The following RPS6KA2 variants were observed in gnomAD, a reference collection of about 807,000 sequenced individuals.
RPS6KA2 encodes the protein ribosomal protein S6 kinase A2, also known as ribosomal protein S6 kinase alpha-2.
In RPS6KA2, 42 loss-of-function variants were observed where a neutral mutation model predicts 91.8. The observed-to-expected ratio is 0.46, with a 90% CI of 0.36 to 0.59. RPS6KA2 has a LOEUF of 0.59. Ranked by LOEUF, RPS6KA2 falls within the 20% of genes least tolerant of loss-of-function variation. The pLI, the probability that RPS6KA2 is intolerant of heterozygous loss-of-function variation, is 0.00. For synonymous variants in RPS6KA2, 414 were observed against 393.6 expected, an observed-to-expected ratio of 1.05 and a Z score of -0.61; for missense variants, 798 against 978.5, an observed-to-expected ratio of 0.82 and a Z score of 2.46.
intron 2 of RPS6KA2, among the ~76,000 whole-genome samples, chr6:166,683,235 G>A (rs1788892185): frequency 6.6e-6 from 1 of 152,234 alleles, no homozygotes; most frequent in Non-Finnish European, 1.5e-5. Flanking sequence ...CTGTGTTGGA[G>A]AGTATTGCAT....
At chr6:166,469,956 C>CT (rs765592057) in intron 10 of RPS6KA2, 51 bp from the exon 11 acceptor site, 18 of 1,509,382 alleles carry the variant, frequency 1.2e-5, no homozygotes, top group Non-Finnish European at 1.7e-5. Context: ...ATGGGGTTCT[C>CT]TGACAGTTTC....
At chr6:166,530,729 C>CT (rs1477686318) in intron 3 of RPS6KA2, among the ~76,000 whole-genome samples, 1 of 152,234 alleles carries the variant, frequency 6.6e-6, no homozygotes, top group Non-Finnish European at 1.5e-5. Flanking sequence ...CATTCTGACT[C>CT]TAACGCTGCA....
intron 2 of RPS6KA2, among the ~76,000 whole-genome samples, chr6:166,792,906 T>C (rs1562442730): frequency 6.6e-6 from 1 of 151,664 alleles, no homozygotes; most frequent in Non-Finnish European, 1.5e-5. Context: ...TCATACTGAA[T>C]GGGCAAAAAC....
chr6:166,748,404 C>T (rs953033194), intron 2 of RPS6KA2, among the ~76,000 whole-genome samples: 1 of 152,116 alleles, frequency 6.6e-6, no homozygotes, highest in Admixed American at 6.5e-5. Context: ...AGTGCCTCAG[C>T]GAAATGACTC....
At chr6:166,762,854 A>G (rs1407454951) in intron 2 of RPS6KA2, among the ~76,000 whole-genome samples, 1 of 152,362 alleles carries the variant, frequency 6.6e-6, no homozygotes, top group Non-Finnish European at 1.5e-5. Flanking sequence ...TGCAGAGCAC[A>G]GGTGGAAACA....
chr6:166,647,973 CACATGCTCACACACACGCACAT>C (rs1787693559), intron 2 of RPS6KA2, among the ~76,000 whole-genome samples: 1 of 72,984 alleles, frequency 1.4e-5, no homozygotes, highest in African/African-American at 5.9e-5. Context: ...CATACATACA[CACATGCTCACACACACGCACAT>C]GCTCACACAC....
chr6:166,554,391 C>A lies in RPS6KA2; in HGVS notation c.100-15607G>T, dbSNP rs1359005147. Among the ~76,000 whole-genome samples, 1 of 152,262 alleles carries A rather than the reference C, an allele frequency of 6.6e-6. No homozygotes were observed. The highest frequency in any genetic ancestry group is 1.5e-5 in the Non-Finnish European group (1 of 68,048). ...TGAATGTGATATAAAGCTTAACCTG[C>A]CTCCTTTTGTTGTAAACATTGGATG... On this transcript the variant is annotated intron_variant, in intron 1 of 20. Transcript: ENST00000265678. The surrounding 1 kb of genome is among the most constrained non-coding windows in gnomAD (Gnocchi z 4.3).
At chr6:166,820,059 T>C (rs1779866327) in intron 2 of RPS6KA2, among the ~76,000 whole-genome samples, 1 of 152,164 alleles carries the variant, frequency 6.6e-6, no homozygotes, top group African/African-American at 2.4e-5. Context: ...GCTGGAGCAG[T>C]TTTCAGTGCA....
At chr6:166,725,885 A>T (rs998674857) in intron 2 of RPS6KA2, among the ~76,000 whole-genome samples, 1 of 152,228 alleles carries the variant, frequency 6.6e-6, no homozygotes. Flanking sequence ...GAGGAGGCAG[A>T]GGGCGCATCA....
intron 20 of RPS6KA2, among the ~76,000 whole-genome samples, chr6:166,413,315 T>C (rs536485045): frequency 6.6e-6 from 1 of 152,320 alleles, no homozygotes; most frequent in South Asian, 2.1e-4. Flanking sequence ...TGGACTCATT[T>C]GGAGGAACAG....
intron 16 of RPS6KA2, among the ~76,000 whole-genome samples, chr6:166,429,224 G>A (rs1032712184): frequency 3.1e-4 from 46 of 146,232 alleles, no homozygotes; most frequent in African/African-American, 9.6e-4. Context: ...CTCATACGTG[G>A]GAATTGAACA....
intron 2 of RPS6KA2, among the ~76,000 whole-genome samples, chr6:166,642,824 G>A (rs1244984425): frequency 3.3e-5 from 5 of 152,250 alleles, no homozygotes. Flanking sequence ...CCTTCTTGCT[G>A]AGTATGTGAC....
At chr6:166,443,751 CATTTT>C (rs1052813005) in intron 14 of RPS6KA2, among the ~76,000 whole-genome samples, 4 of 152,100 alleles carry the variant, frequency 2.6e-5, no homozygotes, top group African/African-American at 9.7e-5. Context: ...AATTTTGATA[CATTTT>C]AAGTTTGTAT....
At chr6:166,763,695 G>A (rs1778230940) in intron 2 of RPS6KA2, among the ~76,000 whole-genome samples, 1 of 152,192 alleles carries the variant, frequency 6.6e-6, no homozygotes. Flanking sequence ...ACAGATAAGA[G>A]CATTGAGAAA....
chr6:166,808,077 A>G (rs1209956218), intron 2 of RPS6KA2, among the ~76,000 whole-genome samples: 1 of 151,926 alleles, frequency 6.6e-6, no homozygotes, highest in East Asian at 1.9e-4. Flanking sequence ...CGATGGACCC[A>G]TGGCTCCACT....
chr6:166,574,164 T>G (rs1784773743), intron 1 of RPS6KA2, among the ~76,000 whole-genome samples: 1 of 152,172 alleles, frequency 6.6e-6, no homozygotes, highest in South Asian at 2.1e-4. Context: ...TTTAAATTCT[T>G]TAAAAAAACA....
In RPS6KA2 at chr6:166,770,771, A is replaced by C. The variant is rs967994680; in HGVS notation, c.123+87429T>G. On this transcript the variant is annotated intron_variant, in intron 2 of 21. Transcript: ENST00000503859. This position sits in a 1 kb window ranked among gnomAD's most constrained non-coding sequence, Gnocchi z 5.1. The stretch of plus-strand genomic sequence containing the variant: ...GACTCCGGGCACCGTGAAACAACTC[A>C]ATAAATTGAAAAAGACTTCATGTTT... 5.5e-6 allele frequency: 7 copies of C among 1,279,858 alleles called. No individual in the cohort carries two copies. The East Asian group carries it at 1.6e-4, about 30-fold the overall frequency. The allele number at this position is 1,279,858 out of a possible 1,614,324, so 79.3% of individuals were successfully genotyped here.
rs150843549 is a variant in RPS6KA2 at position 166,718,202 on chromosome 6, T to A, written c.123+139998A>T. 9.2e-3 allele frequency among the ~76,000 whole-genome samples: 1,402 copies of A among 152,182 alleles called. 70 individuals carry two copies. The highest frequency in any genetic ancestry group is 0.083 in the Admixed American group (1,263 of 15,266). Reference sequence around the variant, plus strand: ...GCAACTGTGCACATTTACCCTCACTTCCCCTTAAGTAGCTTTCTGAGCTCC... The same window carrying A: ...GCAACTGTGCACATTTACCCTCACTACCCCTTAAGTAGCTTTCTGAGCTCC... On this transcript the variant is annotated intron_variant, in intron 2 of 21. Transcript: ENST00000503859.
At chr6:166,589,014 C>T (rs772039522) in intron 1 of RPS6KA2, among the ~76,000 whole-genome samples, 2 of 152,158 alleles carry the variant, frequency 1.3e-5, no homozygotes, top group Non-Finnish European at 2.9e-5. Flanking sequence ...AGTGCCCCCG[C>T]AGAAAAGGAG....
Sources: gnomAD v4.1 joint callset for allele counts (sites outside exome capture counted in the v4.1 genomes callset) on GRCh38, gnomAD v4.1.1 for gene constraint, Gnocchi (gnomAD v3.1) non-coding constraint, MANE v1.5 for transcripts, NCBI Gene and HGNC (gene_info 2026-07-23, HGNC 2026-07-21) for gene names.